The following TMEM209 variants were observed in gnomAD, a reference collection of about 807,000 sequenced individuals.
TMEM209 encodes the protein testicular tissue protein Li 202.
Under a neutral mutation model 76.2 loss-of-function variants are expected in TMEM209, and 65 were observed. The ratio of observed to expected loss-of-function variants is 0.85; its 90% CI spans 0.70 to 1.05. The LOEUF (loss-of-function observed/expected upper bound fraction) is 1.05. TMEM209 is among the 50% of genes least tolerant of loss of function. The pLI is 0.00. For synonymous variants in TMEM209, 239 were observed against 237.6 expected (o/e 1.01, Z -0.06); for missense variants, 623 against 685.5 (o/e 0.91, Z 1.02).
chr7:130,201,197 T>C (rs1022259655), intron 5 of TMEM209, among the ~76,000 whole-genome samples: 2 of 151,576 alleles, frequency 1.3e-5, no homozygotes, highest in Admixed American at 6.6e-5. Context: ...GCTACAGAGA[T>C]GTTAGTCGAA....
intron 5 of TMEM209, among the ~76,000 whole-genome samples, chr7:130,197,451 G>T (rs956817547): frequency 6.6e-6 from 1 of 152,184 alleles, no homozygotes; most frequent in African/African-American, 2.4e-5. Context: ...GGTTGCCAGA[G>T]ACTTAGGGGG....
chr7:130,184,425 A>G (rs1448662095), intron 7 of TMEM209, among the ~76,000 whole-genome samples, 170 bp from the exon 8 acceptor site: 2 of 152,010 alleles, frequency 1.3e-5, no homozygotes, highest in East Asian at 3.8e-4. Context: ...TCACTTATAA[A>G]TGCTGTTCAC....
Position 130,184,231 on chromosome 7 carries a change from T to C in TMEM209, c.976A>G (p.Arg326Gly). 2 of 1,608,138 alleles carry C rather than the reference T, an allele frequency of 1.2e-6. No homozygotes were observed. Among genetic ancestry groups the C allele is most frequent in the Non-Finnish European group, 1.7e-6 (2 of 1,177,650 alleles). The change falls in exon 8 of 15, where the codon AGA becomes GGA. Residue 326 changes from arginine (R) to glycine (G), a missense_variant. Coordinates refer to ENST00000397622, the MANE Select transcript of TMEM209 (RefSeq NM_032842.4). ...GAATCCATATGATCAAGAAGTTGTC[T>C]ATTCATAGCCACTCTTGCCCAGACC... ...EEVWARVAMN[R>G]QLLDHMDSWT...
chr7:130,170,366 T>C (rs765492045), intron 14 of TMEM209, 34 bp downstream of exon 14: 114 of 1,552,488 alleles, frequency 7.3e-5, no homozygotes, highest in Non-Finnish European at 9.3e-5. Flanking sequence ...AATCAGTAAA[T>C]AACTACTTAC....
chr7:130,205,242 T>G (rs371471116), intron 1 of TMEM209, 131 bp downstream of exon 1: 22 of 1,602,062 alleles, frequency 1.4e-5, no homozygotes, highest in East Asian at 1.1e-4. Context: ...CTTTCTTCCC[T>G]TCCCCTAGAG....
At chr7:130,178,197 T>C (rs904599232) in intron 10 of TMEM209, among the ~76,000 whole-genome samples, 1 of 152,166 alleles carries the variant, frequency 6.6e-6, no homozygotes, top group African/African-American at 2.4e-5. Flanking sequence ...AGTCTAAAAG[T>C]AGGAAATGAG....
At chr7:130,200,870 G>A (rs1008404009) in intron 5 of TMEM209, among the ~76,000 whole-genome samples, 4 of 151,788 alleles carry the variant, frequency 2.6e-5, no homozygotes, top group East Asian at 1.9e-4. Context: ...AGGGCAGATC[G>A]CAAGGTCAGG....
rs547344221 is a variant in TMEM209, at chr7:130,176,273, C to T, written c.1247-664G>A. Among the ~76,000 whole-genome samples the T allele has an allele frequency of 2.6e-5, 4 of 151,672 alleles. No homozygotes were observed. The South Asian group carries it at 8.3e-4, about 32-fold the overall frequency. ...GACTACAGGTGCCTGCCACCACGCC[C>T]AGCTAATTTTTTTTTTTTTTTGTAT... On this transcript the variant is annotated intron_variant, in intron 10 of 14. Transcript: ENST00000397622.
chr7:130,169,685 T>C (rs190239803), intron 14 of TMEM209, among the ~76,000 whole-genome samples: 10 of 152,114 alleles, frequency 6.6e-5, no homozygotes, highest in Middle Eastern at 3.4e-3. Flanking sequence ...TAAAGACGCA[T>C]GCATATCGGA....
chr7:130,205,025 G>A (rs1488419935), intron 1 of TMEM209: 4 of 1,243,304 alleles, frequency 3.2e-6, no homozygotes, highest in Non-Finnish European at 3.1e-6. Flanking sequence ...CATTGTTTTG[G>A]TCCACATTTG....
intron 4 of TMEM209, 133 bp from the exon 5 acceptor site, chr7:130,202,224 T>C (rs1798235507): frequency 8.1e-7 from 1 of 1,239,206 alleles, no homozygotes; most frequent in African/African-American, 1.5e-5. Context: ...AATCACAGAA[T>C]GTATTATTAC....
At chr7:130,175,642 A>G (rs765711678) in intron 10 of TMEM209, 33 bp from the exon 11 acceptor site, 1 of 1,528,920 alleles carries the variant, frequency 6.5e-7, no homozygotes, top group African/African-American at 1.4e-5. Context: ...TTAAAAGCTA[A>G]GAGTATGCAA....
intron 6 of TMEM209, among the ~76,000 whole-genome samples, chr7:130,188,051 A>G (rs1797660640): frequency 2.0e-5 from 3 of 152,256 alleles, no homozygotes; most frequent in Non-Finnish European, 2.9e-5. Flanking sequence ...AGGAACTGAA[A>G]ACATAAGAAT....
Position 130,173,896 on chromosome 7 carries a change from G to A in TMEM209, c.1388C>T (p.Pro463Leu). Reference sequence around the variant, plus strand: ...TCCGTCGGGATACTTCGGATGTGGAGGTAATCTGGAATCAAGGTAGGTGCA... The same window carrying A: ...TCCGTCGGGATACTTCGGATGTGGAAGTAATCTGGAATCAAGGTAGGTGCA... Reference protein sequence around the residue: ...VFCTYLDSRLPPHPKYPDGKT... With the variant: ...VFCTYLDSRLLPHPKYPDGKT... Residue 463 changes from proline (P) to leucine (L), a missense_variant, in exon 12 of 15, where the codon CCT becomes CTT. By Grantham distance (98) the Pro-to-Leu change is moderately conservative. Transcript: ENST00000397622. 1 of 1,613,862 alleles carries A rather than the reference G, an allele frequency of 6.2e-7. No homozygotes were observed. Among genetic ancestry groups the A allele is most frequent in the South Asian group, 1.1e-5 (1 of 91,072 alleles).
At chr7:130,183,923 AG>A (rs1797507441) in intron 8 of TMEM209, among the ~76,000 whole-genome samples, 1 of 152,178 alleles carries the variant, frequency 6.6e-6, no homozygotes. Flanking sequence ...AGAACTGAAA[AG>A]GGAGGATCTC....
At chr7:130,167,563 T>G (rs1796920886) in intron 14 of TMEM209, among the ~76,000 whole-genome samples, 1 of 152,164 alleles carries the variant, frequency 6.6e-6, no homozygotes, top group Admixed American at 6.5e-5. Flanking sequence ...TTTGCTATAT[T>G]TGCAAACCCA....
chr7:130,185,245 G>A lies in TMEM209; in HGVS notation c.898C>T (p.Pro300Ser). The A allele has an allele frequency of 1.2e-6, 2 of 1,613,808 alleles. No individual in the cohort carries two copies. Among genetic ancestry groups the A allele is most frequent in the Non-Finnish European group, 1.7e-6 (2 of 1,179,814 alleles). Residue 300 changes from proline to serine, a missense_variant, in exon 7 of 15, where the codon CCA becomes TCA. Pro to Ser is a moderately conservative substitution (Grantham distance 74). Coordinates refer to ENST00000397622, the MANE Select transcript of TMEM209 (RefSeq NM_032842.4). ...TCGGCTTCATCTTTGTTAGCACATG[G>A]GGCCTGAGACCTACAGGCAAGCTGA... is the stretch of plus-strand genomic sequence containing the variant. ...QYQLACRSQA[P>S]CANKDEADLS...
chr7:130,176,687 A>C (rs1418268397), intron 10 of TMEM209, among the ~76,000 whole-genome samples: 2 of 152,186 alleles, frequency 1.3e-5, no homozygotes, highest in Non-Finnish European at 2.9e-5. Flanking sequence ...AATAAATTGC[A>C]AAGGAAAAAA....
chr7:130,192,727 T>C lies in TMEM209; in HGVS notation c.670A>G (p.Thr224Ala). ...GLRSRYRSSP[T>A]VYNSPTDKED... Reference sequence around the variant, plus strand: ...TTGTCAGTAGGTGAGTTGTAGACGGTAGGTGAAGAACGGTAGCGAGATCTC... The same window carrying C: ...TTGTCAGTAGGTGAGTTGTAGACGGCAGGTGAAGAACGGTAGCGAGATCTC... The change falls in exon 6 of 15, where the codon ACC (threonine) becomes GCC (alanine). Residue 224 changes from threonine (T) to alanine (A), a missense_variant. By Grantham distance (58) the Thr-to-Ala change is moderately conservative (BLOSUM62 0). Transcript: ENST00000397622. 1 of 1,613,884 alleles carries C rather than the reference T, an allele frequency of 6.2e-7. No individual in the cohort carries two copies. The highest frequency in any genetic ancestry group is 2.2e-5 in the East Asian group (1 of 44,884).
Sources: allele counts gnomAD v4.1 joint callset (sites outside exome capture counted in the v4.1 genomes callset), GRCh38; gene constraint gnomAD v4.1.1; transcripts MANE v1.5; gene names NCBI Gene and HGNC (gene_info 2026-07-23, HGNC 2026-07-21).